Variants in STON2 observed in about 807,000 individuals in gnomAD.
The protein encoded by STON2 is stonin-2.
Under a neutral mutation model 65.7 loss-of-function variants are expected in STON2, and 29 were observed. The observed-to-expected ratio is 0.44, with a 90% confidence interval of 0.33 to 0.60. The LOEUF is 0.60. Ranked by LOEUF, STON2 falls within the 20% of genes least tolerant of loss-of-function variation. The pLI is 0.03. For synonymous variants in STON2, 404 were observed against 414.2 expected (o/e 0.98, Z 0.30); for missense variants, 1,054 against 1,118.1 (o/e 0.94, Z 0.82).
chr14:81,266,205 G>T lies in STON2; in HGVS notation c.*2209C>A. 1 of 620,984 alleles carries T rather than the reference G, an allele frequency of 1.6e-6. No homozygotes were observed. Among genetic ancestry groups the T allele is most frequent in the Non-Finnish European group, 2.0e-6 (1 of 497,362 alleles). The allele number at this position is 620,984 out of a possible 1,614,324, so 38.5% of individuals were successfully genotyped here. A position where few individuals can be genotyped will look rare whatever the true frequency, so the allele number is the denominator to read the frequency against. On this transcript the variant is annotated 3_prime_UTR_variant, in exon 8 of 8. Transcript: ENST00000614646. ...TAAGATTCCCTTTCACAGCACGTGG[G>T]ATAGGTGGTTATTTTAACTGTTGGG...
intron 3 of STON2, among the ~76,000 whole-genome samples, chr14:81,371,676 T>TCAAAAAAGA (rs58782661): frequency 1.0e-5 from 1 of 97,690 alleles, no homozygotes; most frequent in African/African-American, 4.5e-5. Context: ...AGACTGAGTC[T>TCAAAAAAGA]AAAAAAAAAA....
intron 2 of STON2, among the ~76,000 whole-genome samples, chr14:81,405,457 A>ATT (rs1419417713): frequency 2.7e-4 from 10 of 37,454 alleles, no homozygotes; most frequent in East Asian, 2.0e-3. Flanking sequence ...ATTAGTTACT[A>ATT]TTGTTTTTTT....
At chr14:81,393,482 A>C (rs1418871140) in intron 3 of STON2, among the ~76,000 whole-genome samples, 1 of 152,054 alleles carries the variant, frequency 6.6e-6, no homozygotes, top group Admixed American at 6.5e-5. Context: ...CTGCTCCAAG[A>C]CCTTGGGGCC....
intron 4 of STON2, among the ~76,000 whole-genome samples, chr14:81,355,692 G>T (rs151156754): frequency 3.9e-5 from 6 of 152,136 alleles, no homozygotes; most frequent in Non-Finnish European, 7.3e-5. Context: ...CATAAATAAC[G>T]TAAAAATTAT....
rs943857367 is a variant in STON2 at position 81,370,810 on chromosome 14, A to G, written c.571+178T>C. Among the ~76,000 whole-genome samples, 3 of 152,256 alleles carry G rather than the reference A, an allele frequency of 2.0e-5. No individual in the cohort carries two copies. In the East Asian group the frequency reaches 5.8e-4, roughly 29 times the overall value. On this transcript the variant is annotated intron_variant, in intron 4 of 7. Transcript: ENST00000614646. ...CCAACCAAGGATCCAATTTGTGTAT[A>G]CATCTTCCCCAATGCAATTTCCAGC...
chr14:81,401,760 T>C (rs79936833), upstream of STON2, among the ~76,000 whole-genome samples: 4 of 152,316 alleles, frequency 2.6e-5, no homozygotes, highest in Non-Finnish European at 5.9e-5. Context: ...TTCTCAGCAT[T>C]ATACAAAAAT....
intron 4 of STON2, among the ~76,000 whole-genome samples, chr14:81,358,139 T>C (rs534784411): frequency 1.3e-5 from 2 of 152,222 alleles, no homozygotes; most frequent in East Asian, 1.9e-4. Flanking sequence ...ATAATGATGA[T>C]GTGTAAGGCA....
intron 1 of STON2, among the ~76,000 whole-genome samples, chr14:81,433,078 C>A (rs1430606877): frequency 2.0e-5 from 3 of 152,206 alleles, no homozygotes; most frequent in Non-Finnish European, 4.4e-5. Flanking sequence ...TTTTCTCAAT[C>A]CCTCCAAGTG....
At chr14:81,433,137 A>T (rs542484499) in intron 1 of STON2, among the ~76,000 whole-genome samples, 5 of 152,344 alleles carry the variant, frequency 3.3e-5, no homozygotes, top group Admixed American at 1.3e-4. Context: ...GGTGATATAA[A>T]ATAACGACTT....
At chr14:81,412,685 T>C (rs1901220224) in intron 2 of STON2, among the ~76,000 whole-genome samples, 1 of 139,570 alleles carries the variant, frequency 7.2e-6, no homozygotes. Context: ...TGAAAGGACA[T>C]AATGCTGCTG....
chr14:81,414,872 T>C (rs1398027333), intron 2 of STON2, among the ~76,000 whole-genome samples: 1 of 152,016 alleles, frequency 6.6e-6, no homozygotes, highest in African/African-American at 2.4e-5. Flanking sequence ...AGAATGTGAG[T>C]GAGAATGCTT....
intron 3 of STON2, among the ~76,000 whole-genome samples, chr14:81,380,140 A>G (rs1431636312): frequency 6.6e-6 from 1 of 152,236 alleles, no homozygotes; most frequent in East Asian, 1.9e-4. Flanking sequence ...ACTTAAATCA[A>G]CAAGCAAAAA....
rs539121942 is a variant in STON2 at position 81,265,107 on chromosome 14, G to C, written c.*3307C>G. 8 of 984,814 alleles carry C rather than the reference G, an allele frequency of 8.1e-6. 1 individual carries two copies. Among genetic ancestry groups the C allele is most frequent in the South Asian group, 4.7e-5 (1 of 21,262 alleles). 61.0% of individuals were successfully genotyped at this position (984,814 alleles called of 1,614,324 possible). ...AAAAAAAATAAAAAGTCCAGGTCCA[G>C]GGTTGCAAAAGTAGAATCTGCATAT... is the stretch of plus-strand genomic sequence containing the variant. On this transcript the variant is annotated 3_prime_UTR_variant, in exon 8 of 8. Transcript: ENST00000614646.
intron 5 of STON2, among the ~76,000 whole-genome samples, chr14:81,318,933 A>G (rs1402811904): frequency 6.6e-6 from 1 of 152,260 alleles, no homozygotes; most frequent in Non-Finnish European, 1.5e-5. Flanking sequence ...TCCTTGACCA[A>G]CAGGATGCTA....
rs3813535 is a variant in STON2 at position 81,278,392 on chromosome 14, A to G, written c.1090T>C (p.Ser364Pro). 0.83 allele frequency: 1,347,059 copies of G among 1,614,034 alleles called. 564,480 individuals carry two copies. The highest frequency in any genetic ancestry group is 0.85 in the Non-Finnish European group (1,004,855 of 1,180,004). Residue 364 changes from serine to proline, a missense_variant, in exon 6 of 8, where the codon TCA becomes CCA. By Grantham distance (74) the Ser-to-Pro change is moderately conservative (BLOSUM62 -1). Transcript: ENST00000614646. ...AAAGGGTTGGTTGCCCTCCAAGGTGAAGCCTCAGTTACAGAAGGCGTGCGG... is the reference window on the plus strand; with the variant it reads ...AAAGGGTTGGTTGCCCTCCAAGGTGGAGCCTCAGTTACAGAAGGCGTGCGG... ...LNRTPSVTEA[S>P]PWRATNPFLN...
At chr14:81,292,517 T>A (rs1036098289) in intron 5 of STON2, among the ~76,000 whole-genome samples, 1 of 152,132 alleles carries the variant, frequency 6.6e-6, no homozygotes, top group African/African-American at 2.4e-5. Flanking sequence ...TGATTGTGAG[T>A]TCTCATGAGG....
intron 4 of STON2, among the ~76,000 whole-genome samples, chr14:81,348,679 C>T (rs989028237): frequency 3.9e-5 from 6 of 152,024 alleles, no homozygotes; most frequent in Admixed American, 1.3e-4. Flanking sequence ...CTACCCAAAG[C>T]AATCTATAGA....
chr14:81,381,167 T>G (rs1447030512), intron 3 of STON2, among the ~76,000 whole-genome samples: 1 of 152,160 alleles, frequency 6.6e-6, no homozygotes, highest in East Asian at 1.9e-4. Flanking sequence ...AGACTTGTAC[T>G]TCAAACTGTA....
In STON2 at chr14:81,268,290, C is replaced by A; in HGVS notation, c.*124G>T. 8.2e-7 allele frequency: 1 copy of A among 1,218,906 alleles called. No individual in the cohort carries two copies. The highest frequency in any genetic ancestry group is 1.0e-6 in the Non-Finnish European group (1 of 958,010). The allele number at this position is 1,218,906 out of a possible 1,614,324, so 75.5% of individuals were successfully genotyped here. A position where few individuals can be genotyped will look rare whatever the true frequency, so the allele number is the denominator to read the frequency against. On this transcript the variant is annotated 3_prime_UTR_variant, in exon 8 of 8. Transcript: ENST00000614646. Reference sequence around the variant, plus strand: ...ACAGGAAGATCTGGTATACTGTTCCCAACATGCAGTGGCCACAGCAGGTAT... The same window carrying A: ...ACAGGAAGATCTGGTATACTGTTCCAAACATGCAGTGGCCACAGCAGGTAT...
Sources: gnomAD v4.1 joint callset for allele counts (sites outside exome capture counted in the v4.1 genomes callset) on GRCh38, gnomAD v4.1.1 for gene constraint, MANE v1.5 for transcripts, NCBI Gene and HGNC (gene_info 2026-07-23, HGNC 2026-07-21) for gene names.